The following DMAC2L variants were observed in gnomAD, a reference collection of about 807,000 sequenced individuals.
The protein encoded by DMAC2L is ATP synthase subunit s, mitochondrial.
Under a neutral mutation model 22.5 loss-of-function variants are expected in DMAC2L, and 21 were observed. That is an observed-to-expected ratio of 0.93 (90% CI 0.66 to 1.34). DMAC2L has a LOEUF of 1.34. Ranked by LOEUF, DMAC2L falls within the 40% of genes most tolerant of loss-of-function variation. The pLI is 0.00. For missense variants in DMAC2L, 239 were observed against 246.5 expected (o/e 0.97, Z 0.20); for synonymous variants, 86 against 89.5 (o/e 0.96, Z 0.22).
intron 1 of DMAC2L, among the ~76,000 whole-genome samples, chr14:50,313,372 T>C (rs2031441886): frequency 6.6e-6 from 1 of 152,166 alleles, no homozygotes; most frequent in Non-Finnish European, 1.5e-5. Context: ...GATAGCAGTG[T>C]CTCCCTAGTC....
intron 2 of DMAC2L, among the ~76,000 whole-genome samples, chr14:50,320,657 A>G (rs1057330936): frequency 5.3e-5 from 8 of 152,130 alleles, no homozygotes; most frequent in African/African-American, 1.7e-4. Flanking sequence ...CACTTATTTT[A>G]ACTACTTGAT....
At chr14:50,322,252 CTG>C (rs1335511077) in intron 3 of DMAC2L, among the ~76,000 whole-genome samples, 1 of 152,198 alleles carries the variant, frequency 6.6e-6, no homozygotes, top group African/African-American at 2.4e-5. Flanking sequence ...AACGTTGTGT[CTG>C]ATAAATTCAT....
intron 1 of DMAC2L, chr14:50,312,984 T>C (rs2031387376): frequency 6.2e-6 from 10 of 1,614,090 alleles, no homozygotes; most frequent in Non-Finnish European, 6.8e-6. Flanking sequence ...TAAGTCTGTG[T>C]CCTTTTCTTG....
rs779689356 is a variant in DMAC2L at position 50,323,931 on chromosome 14, C to T, written c.317-14C>T. 2 of 1,589,654 alleles carry T rather than the reference C, an allele frequency of 1.3e-6. No individual in the cohort carries two copies. The highest frequency in any genetic ancestry group is 1.8e-5 in the Admixed American group (1 of 55,652). On this transcript the variant is annotated splice_polypyrimidine_tract_variant and intron_variant, in intron 4 of 5. Coordinates refer to ENST00000557421, the MANE Select transcript of DMAC2L (RefSeq NM_001382507.1). Reference sequence around the variant, plus strand: ...TGGTAAAGCAGATTCTTAATCTGTACTTTTTCTCCCCAGAGGGCCTAGAGC... The same window carrying T: ...TGGTAAAGCAGATTCTTAATCTGTATTTTTTCTCCCCAGAGGGCCTAGAGC...
chr14:50,322,683 G>A lies in DMAC2L; in HGVS notation c.280G>A (p.Asp94Asn), dbSNP rs140662926. The A allele has an allele frequency of 8.6e-5, 139 of 1,614,130 alleles. 1 individual carries two copies. In the African/African-American group the frequency reaches 1.6e-3, roughly 18 times the overall value. ...KYKIQAIDAT[D>N]SCIMSIGFDH... ...CAAGATTCAGGCGATCGACGCCACCGACTCTTGTATCATGAGCATTGGATT... is the reference window on the plus strand; with the variant it reads ...CAAGATTCAGGCGATCGACGCCACCAACTCTTGTATCATGAGCATTGGATT... The change falls in exon 4 of 6, where the codon GAC (aspartate) becomes AAC (asparagine). Residue 94 changes from aspartate to asparagine, a missense_variant. Physicochemically the swap from Asp to Asn is conservative, Grantham distance 23. Transcript: ENST00000557421.
In DMAC2L at chr14:50,312,399, G is replaced by A. The variant is rs945371527; in HGVS notation, c.-42+10G>A. On this transcript the variant is annotated intron_variant, in intron 1 of 5. Coordinates refer to ENST00000557421, the MANE Select transcript of DMAC2L (RefSeq NM_001382507.1). ...CCCTCCCTCCGACGCTGTGAGTAGAGAAGCTAGGCCCCGAGCCGGGCGGGA... is the reference window on the plus strand; with the variant it reads ...CCCTCCCTCCGACGCTGTGAGTAGAAAAGCTAGGCCCCGAGCCGGGCGGGA... 10 of 577,596 alleles carry A rather than the reference G, an allele frequency of 1.7e-5. No homozygotes were observed. Among genetic ancestry groups the A allele is most frequent in the Non-Finnish European group, 2.8e-5 (9 of 325,162 alleles). 35.8% of individuals were successfully genotyped at this position (577,596 alleles called of 1,614,324 possible). A position where few individuals can be genotyped will look rare whatever the true frequency, so the allele number is the denominator to read the frequency against.
Position 50,326,477 on chromosome 14 carries a change from C to G in DMAC2L, c.*754C>G. On this transcript the variant is annotated 3_prime_UTR_variant, in exon 6 of 6. Coordinates refer to ENST00000557421, the MANE Select transcript of DMAC2L (RefSeq NM_001382507.1). ...AGATTCATTGATGGAGTCAATTATG[C>G]AAAGTGGTCAGTGGTTGTTGAAGCA... is the stretch of plus-strand genomic sequence containing the variant. 2.0e-6 allele frequency: 2 copies of G among 985,268 alleles called. No individual in the cohort carries two copies. The highest frequency in any genetic ancestry group is 2.4e-6 in the Non-Finnish European group (2 of 829,886). The allele number at this position is 985,268 out of a possible 1,614,324, so 61.0% of individuals were successfully genotyped here. A position where few individuals can be genotyped will look rare whatever the true frequency, so the allele number is the denominator to read the frequency against.
chr14:50,313,333 C>T (rs2031434349), intron 1 of DMAC2L, among the ~76,000 whole-genome samples: 1 of 152,166 alleles, frequency 6.6e-6, no homozygotes, highest in South Asian at 2.1e-4. Flanking sequence ...CACCTCTTTG[C>T]CTCAGACCCT....
At chr14:50,317,033 T>G (rs2031861070) in intron 2 of DMAC2L, among the ~76,000 whole-genome samples, 1 of 152,218 alleles carries the variant, frequency 6.6e-6, no homozygotes, top group African/African-American at 2.4e-5. Flanking sequence ...GTATGATCAT[T>G]TTCACAATGT....
Position 50,326,305 on chromosome 14 carries a change from A to G in DMAC2L, c.*582A>G, listed in dbSNP as rs1366375237. 1 of 506,392 alleles carries G rather than the reference A, an allele frequency of 2.0e-6. No homozygotes were observed. Among genetic ancestry groups the G allele is most frequent in the Non-Finnish European group, 2.5e-6 (1 of 392,858 alleles). The allele number at this position is 506,392 out of a possible 1,614,324, so 31.4% of individuals were successfully genotyped here. On this transcript the variant is annotated 3_prime_UTR_variant, in exon 6 of 6. Transcript: ENST00000557421. ...ATTCATTTAATATGTAAATCTATAG[A>G]TATCTCTTGATGTAGATATTTAGAA...
At chr14:50,312,064 G>C (rs1431266022), upstream of DMAC2L, 2 of 1,597,620 alleles carry the variant, frequency 1.3e-6, no homozygotes, top group South Asian at 2.2e-5. Flanking sequence ...TCCCAGACGC[G>C]AACCCGCACG....
rs1023971046 is a variant in DMAC2L, at chr14:50,312,376, C to G, written c.-55C>G. On this transcript the variant is annotated 5_prime_UTR_variant, in exon 1 of 6. Coordinates refer to ENST00000557421, the MANE Select transcript of DMAC2L (RefSeq NM_001382507.1). ...GGACGCTGGCTCGCTCCCTCCCTCCCTCCCTCCGACGCTGTGAGTAGAGAA... is the reference window on the plus strand; with the variant it reads ...GGACGCTGGCTCGCTCCCTCCCTCCGTCCCTCCGACGCTGTGAGTAGAGAA... 2 of 609,982 alleles carry G rather than the reference C, an allele frequency of 3.3e-6. No homozygotes were observed. Among genetic ancestry groups the G allele is most frequent in the African/African-American group, 1.9e-5 (1 of 53,966 alleles). 37.8% of individuals were successfully genotyped at this position (609,982 alleles called of 1,614,324 possible).
chr14:50,321,441 C>T (rs1399734741), intron 2 of DMAC2L, 42 bp from the exon 3 acceptor site: 1 of 1,609,698 alleles, frequency 6.2e-7, no homozygotes. Context: ...ATGTATGGGA[C>T]TCGGATGATG....
chr14:50,316,938 T>C (rs2031853836), intron 2 of DMAC2L, among the ~76,000 whole-genome samples: 1 of 152,188 alleles, frequency 6.6e-6, no homozygotes, highest in African/African-American at 2.4e-5. Context: ...AGAATGATGG[T>C]ATTTTTATGG....
At chr14:50,312,994 G>C (rs2031389507) in intron 1 of DMAC2L, 1 of 1,614,086 alleles carries the variant, frequency 6.2e-7, no homozygotes, top group Non-Finnish European at 8.5e-7. Flanking sequence ...TCCTTTTCTT[G>C]AGTACTGAAC....
intron 2 of DMAC2L, among the ~76,000 whole-genome samples, chr14:50,320,488 T>C (rs2032178445): frequency 6.6e-6 from 1 of 152,188 alleles, no homozygotes; most frequent in Non-Finnish European, 1.5e-5. Context: ...GTTGCCTGCC[T>C]CTTCTCATGA....
At chr14:50,321,984 C>G (rs1166546301) in intron 3 of DMAC2L, among the ~76,000 whole-genome samples, 1 of 152,164 alleles carries the variant, frequency 6.6e-6, no homozygotes, top group Middle Eastern at 3.4e-3. Context: ...TAGTGGGTGG[C>G]ACACTTAGAA....
At chr14:50,321,329 C>G in intron 2 of DMAC2L, 154 bp from the exon 3 acceptor site, 2 of 1,342,354 alleles carry the variant, frequency 1.5e-6, no homozygotes, top group Non-Finnish European at 1.9e-6. Flanking sequence ...TAAAAAACCC[C>G]AAGAACAAGA....
At chr14:50,313,063 C>G in intron 1 of DMAC2L, 1 of 1,608,692 alleles carries the variant, frequency 6.2e-7, no homozygotes. Context: ...CTGTGCAGGT[C>G]ACTTCACCTG....
Sources: allele counts gnomAD v4.1 joint callset (sites outside exome capture counted in the v4.1 genomes callset), GRCh38; gene constraint gnomAD v4.1.1; transcripts MANE v1.5; gene names NCBI Gene and HGNC (gene_info 2026-07-23, HGNC 2026-07-21).